OR1J2: variants seen among roughly 807,000 people sequenced by gnomAD.
OR1J2 encodes olfactory receptor family 1 subfamily J member 2.
For missense variants in OR1J2, 304 were observed against 246.1 expected, an observed-to-expected ratio of 1.24 and a Z score of -1.57; for synonymous variants, 142 against 99.7, an observed-to-expected ratio of 1.42 and a Z score of -2.52.
the OR1J2 span, among the ~76,000 whole-genome samples, chr9:122,517,717 G>GT: frequency 0.038 from 5,650 of 149,380 alleles, 217 homozygotes; most frequent in African/African-American, 0.095. Flanking sequence ...TTTTTGAGGT[G>GT]TTTTTTTTTT....
the OR1J2 span, among the ~76,000 whole-genome samples, chr9:122,534,306 G>T: frequency 6.6e-6 from 1 of 152,194 alleles, no homozygotes; most frequent in Admixed American, 6.5e-5. Flanking sequence ...GTCAGGAGCA[G>T]ATTGGGTAGT....
the OR1J2 span, among the ~76,000 whole-genome samples, chr9:122,505,361 C>T: frequency 2.0e-5 from 3 of 152,162 alleles, no homozygotes; most frequent in African/African-American, 7.2e-5. Context: ...TCAGGTTTCT[C>T]TTTCTCTTCT....
chr9:122,517,109 C>A, the OR1J2 span, among the ~76,000 whole-genome samples: 1 of 152,124 alleles, frequency 6.6e-6, no homozygotes, highest in African/African-American at 2.4e-5. Context: ...GTCTCATCTC[C>A]AGATTAGAGA....
chr9:122,487,892 A>G, the OR1J2 span, among the ~76,000 whole-genome samples: 1 of 152,200 alleles, frequency 6.6e-6, no homozygotes, highest in East Asian at 1.9e-4. Context: ...TTTTTTATTT[A>G]TAAAGAACTT....
the OR1J2 span, chr9:122,519,893 T>C: frequency 1.2e-6 from 2 of 1,614,064 alleles, no homozygotes; most frequent in African/African-American, 2.7e-5. Flanking sequence ...TGTCTCTGTA[T>C]TATGGCACAA....
chr9:122,553,037 C>T, the OR1J2 span: 42 of 696,668 alleles, frequency 6.0e-5, no homozygotes, highest in East Asian at 1.0e-3. Context: ...TTGGGTATTT[C>T]CTTGCATTCC....
At chr9:122,510,703 G>A (rs1828614825), upstream of OR1J2, 3 of 761,162 alleles carry the variant, frequency 3.9e-6, no homozygotes, top group South Asian at 1.9e-5. Flanking sequence ...CTGTGTCTAT[G>A]TTAAAACGTA....
chr9:122,495,467 T>C, the OR1J2 span, among the ~76,000 whole-genome samples: 1 of 152,054 alleles, frequency 6.6e-6, no homozygotes, highest in Non-Finnish European at 1.5e-5. Flanking sequence ...CTTCTGCTTG[T>C]TTGATTCTAT....
At chr9:122,454,127 A>G in the OR1J2 span, among the ~76,000 whole-genome samples, 1 of 152,322 alleles carries the variant, frequency 6.6e-6, no homozygotes, top group East Asian at 1.9e-4. Flanking sequence ...TCAAGGGGAA[A>G]TAAATCTTGG....
the OR1J2 span, among the ~76,000 whole-genome samples, chr9:122,559,129 A>C: frequency 6.6e-6 from 1 of 152,032 alleles, no homozygotes; most frequent in Non-Finnish European, 1.5e-5. Flanking sequence ...GCTTTTGTAC[A>C]ATAGAACACC....
chr9:122,452,001 C>A, the OR1J2 span, among the ~76,000 whole-genome samples: 1 of 152,198 alleles, frequency 6.6e-6, no homozygotes, highest in Non-Finnish European at 1.5e-5. Flanking sequence ...GCCTCAGCCT[C>A]CCGAGTAACT....
chr9:122,534,559 C>T, the OR1J2 span, among the ~76,000 whole-genome samples: 4 of 152,016 alleles, frequency 2.6e-5, no homozygotes, highest in Non-Finnish European at 4.4e-5. Context: ...AGTCACCGAA[C>T]GAAACTGTAA....
chr9:122,527,258 G>A, the OR1J2 span: 2 of 1,612,076 alleles, frequency 1.2e-6, no homozygotes, highest in Non-Finnish European at 1.7e-6. Flanking sequence ...ATATTCCTCG[G>A]AGGAAAAATT....
the OR1J2 span, among the ~76,000 whole-genome samples, chr9:122,569,192 A>G: frequency 6.6e-6 from 1 of 152,118 alleles, no homozygotes; most frequent in African/African-American, 2.4e-5. Context: ...ATGACATGCT[A>G]TCATCATTAG....
the OR1J2 span, among the ~76,000 whole-genome samples, chr9:122,528,633 C>G: frequency 6.6e-6 from 1 of 151,998 alleles, no homozygotes; most frequent in South Asian, 2.1e-4. Flanking sequence ...AATAATAATC[C>G]CTACCTCAGA....
At chr9:122,499,427 C>T in the OR1J2 span, among the ~76,000 whole-genome samples, 18 of 152,048 alleles carry the variant, frequency 1.2e-4, no homozygotes, top group Non-Finnish European at 1.5e-4. Context: ...CATCTCAGGC[C>T]GCTGAACCAG....
the OR1J2 span, among the ~76,000 whole-genome samples, chr9:122,463,077 A>G: frequency 1.3e-5 from 2 of 151,016 alleles, no homozygotes; most frequent in Non-Finnish European, 3.0e-5. Context: ...AGCTTTGGCT[A>G]TTTAACATAA....
chr9:122,529,104 C>T, the OR1J2 span, among the ~76,000 whole-genome samples: 2 of 152,224 alleles, frequency 1.3e-5, no homozygotes, highest in Non-Finnish European at 2.9e-5. Context: ...CTGAACCCTA[C>T]ACTGACTGAA....
chr9:122,515,989 C>T (rs1239959896), downstream of OR1J2, among the ~76,000 whole-genome samples: 1 of 152,104 alleles, frequency 6.6e-6, no homozygotes, highest in Non-Finnish European at 1.5e-5. Flanking sequence ...GAAACAATGT[C>T]ATCTCATATA....
Sources: gnomAD v4.1 joint callset for allele counts (sites outside exome capture counted in the v4.1 genomes callset) on GRCh38, gnomAD v4.1.1 for gene constraint, MANE v1.5 for transcripts, NCBI Gene and HGNC (gene_info 2026-07-23, HGNC 2026-07-21) for gene names.